Variants in ACBD6 observed in about 807,000 individuals in gnomAD.
The protein encoded by ACBD6 is acyl-CoA-binding domain-containing protein 6.
ACBD6 carries 28 observed loss-of-function variants against 37.2 expected under a neutral mutation model. The observed-to-expected ratio is 0.75, with a 90% CI of 0.56 to 1.03. The LOEUF (loss-of-function observed/expected upper bound fraction) is 1.03. Ranked by LOEUF, ACBD6 falls within the 50% of genes least tolerant of loss-of-function variation. The pLI, the probability that ACBD6 is intolerant of heterozygous loss-of-function variation, is 0.00. For missense variants in ACBD6, 340 were observed against 337.4 expected (o/e 1.01, Z -0.06); for synonymous variants, 113 against 126.8 (o/e 0.89, Z 0.73).
At chr1:180,386,006 C>T (rs565940194) in intron 6 of ACBD6, among the ~76,000 whole-genome samples, 23 of 152,260 alleles carry the variant, frequency 1.5e-4, no homozygotes, top group African/African-American at 4.6e-4. Flanking sequence ...CCTGTCTCTA[C>T]TAAAAATACA....
At chr1:180,450,568 C>G (rs1649663937) in intron 3 of ACBD6, among the ~76,000 whole-genome samples, 1 of 152,116 alleles carries the variant, frequency 6.6e-6, no homozygotes. Context: ...ACCATCCTGG[C>G]TAACACAGTG....
At chr1:180,454,687 A>G (rs1312807151) in intron 3 of ACBD6, among the ~76,000 whole-genome samples, 1 of 151,816 alleles carries the variant, frequency 6.6e-6, no homozygotes, top group Non-Finnish European at 1.5e-5. Context: ...AAGAAAAAAA[A>G]CCCCATCAAA....
chr1:180,424,554 G>A (rs767828158), intron 4 of ACBD6, among the ~76,000 whole-genome samples: 17 of 152,110 alleles, frequency 1.1e-4, no homozygotes, highest in Non-Finnish European at 2.1e-4. Context: ...TATTTGTAAT[G>A]CATATTCTGC....
chr1:180,435,340 C>T, intron 3 of ACBD6: 1 of 433,048 alleles, frequency 2.3e-6, no homozygotes, highest in African/African-American at 2.0e-5. Flanking sequence ...GCTCCGTCTC[C>T]TGGTTTCACG....
chr1:180,426,254 T>C (rs1225184594), intron 4 of ACBD6, among the ~76,000 whole-genome samples: 4 of 152,238 alleles, frequency 2.6e-5, no homozygotes, highest in African/African-American at 4.8e-5. Flanking sequence ...CTACAAAATA[T>C]AACAGGGAGG....
At position 180,271,818 on chromosome 1, in the gene ACBD6, T is replaced by C. The variant is rs768889373; in HGVS notation, c.*1407A>G. 4.5e-5 allele frequency: 72 copies of C among 1,613,638 alleles called. No homozygotes were observed. Among genetic ancestry groups the C allele is most frequent in the Admixed American group, 1.8e-4 (11 of 59,964 alleles). ...GGTGGACGCCCCCTGAGTATGTCCC[T>C]TGTGCTTGTGTGGCAGGTTTGGTTT... is the stretch of plus-strand genomic sequence containing the variant. On this transcript the variant is annotated 3_prime_UTR_variant, in exon 14 of 14. Coordinates refer to the ACBD6 transcript ENST00000642319.
intron 6 of ACBD6, among the ~76,000 whole-genome samples, chr1:180,375,224 G>T (rs1653389885): frequency 6.6e-6 from 1 of 152,130 alleles, no homozygotes; most frequent in Admixed American, 6.5e-5. Context: ...TTAAAATAAT[G>T]TACATGCACA....
Position 180,395,570 on chromosome 1 carries a change from C to T in ACBD6, c.663+1946G>A, listed in dbSNP as rs748645333. 1.6e-4 allele frequency among the ~76,000 whole-genome samples: 24 copies of T among 151,964 alleles called. 1 individual carries two copies. The highest frequency in any genetic ancestry group is 4.3e-4 in the African/African-American group (18 of 41,454). ...TCAACCTAGTACTGAAAGGCCCAGC[C>T]GGAGCAATTAGGCAAGAAAATGAAA... On this transcript the variant is annotated intron_variant, in intron 6 of 7. Transcript: ENST00000367595.
At chr1:180,412,782 C>A (rs561645656) in intron 5 of ACBD6, among the ~76,000 whole-genome samples, 37 of 152,208 alleles carry the variant, frequency 2.4e-4, no homozygotes, top group Non-Finnish European at 5.0e-4. Context: ...AAGAGGATTG[C>A]GTAAGCCCAT....
At chr1:180,496,466 C>T (rs1651743202) in intron 1 of ACBD6, among the ~76,000 whole-genome samples, 1 of 152,192 alleles carries the variant, frequency 6.6e-6, no homozygotes. Flanking sequence ...TCCCATTACT[C>T]TAACTGATGC....
intron 3 of ACBD6, among the ~76,000 whole-genome samples, chr1:180,454,575 A>T (rs10733005): frequency 2.6e-5 from 4 of 152,092 alleles, no homozygotes; most frequent in Non-Finnish European, 5.9e-5. Flanking sequence ...AACTATCATC[A>T]GAGTGAAGAG....
intron 3 of ACBD6, among the ~76,000 whole-genome samples, chr1:180,469,167 T>C (rs1023080913): frequency 2.6e-5 from 4 of 152,212 alleles, no homozygotes; most frequent in Non-Finnish European, 5.9e-5. Context: ...AGGCTCTTTT[T>C]ACCTGTCAAG....
intron 6 of ACBD6, among the ~76,000 whole-genome samples, chr1:180,351,147 T>C (rs1652399366): frequency 6.6e-6 from 1 of 152,152 alleles, no homozygotes; most frequent in African/African-American, 2.4e-5. Flanking sequence ...TGCAGATATC[T>C]ATTTCCATAG....
At chr1:180,326,858 C>A (rs1227759365) in intron 6 of ACBD6, among the ~76,000 whole-genome samples, 1 of 152,070 alleles carries the variant, frequency 6.6e-6, no homozygotes, top group African/African-American at 2.4e-5. Context: ...GGGAGGTAGG[C>A]CGTGGAATGG....
At chr1:180,331,020 A>C (rs1651459907) in intron 6 of ACBD6, among the ~76,000 whole-genome samples, 1 of 152,226 alleles carries the variant, frequency 6.6e-6, no homozygotes, top group East Asian at 1.9e-4. Context: ...CAGCTTATCC[A>C]GCCACCCAGG....
intron 6 of ACBD6, among the ~76,000 whole-genome samples, chr1:180,392,476 T>C (rs954958004): frequency 3.9e-5 from 6 of 152,198 alleles, no homozygotes; most frequent in South Asian, 2.1e-4. Context: ...TTACAGTGAA[T>C]AGGTTAAGAG....
chr1:180,282,913 C>T (rs1048492775), intron 8 of ACBD6, among the ~76,000 whole-genome samples: 1 of 150,284 alleles, frequency 6.7e-6, no homozygotes, highest in Admixed American at 6.6e-5. Context: ...ATGCACAAGT[C>T]TGTTCAGTCA....
chr1:180,487,858 A>G (rs954834485), intron 3 of ACBD6, among the ~76,000 whole-genome samples: 39 of 152,244 alleles, frequency 2.6e-4, no homozygotes, highest in African/African-American at 9.4e-4. Flanking sequence ...ATAGAAGACA[A>G]AAACATTTAC....
chr1:180,466,397 T>C (rs1650348283), intron 3 of ACBD6, among the ~76,000 whole-genome samples: 1 of 152,198 alleles, frequency 6.6e-6, no homozygotes, highest in Non-Finnish European at 1.5e-5. Context: ...AAATATTTAC[T>C]AGGTATTAGG....
Sources: gnomAD v4.1 joint callset for allele counts (sites outside exome capture counted in the v4.1 genomes callset) on GRCh38, gnomAD v4.1.1 for gene constraint, MANE v1.5 for transcripts, NCBI Gene and HGNC (gene_info 2026-07-23, HGNC 2026-07-21) for gene names.